The following DCC variants were observed in gnomAD, a reference collection of about 807,000 sequenced individuals.
DCC encodes DCC netrin 1 receptor, also known as netrin receptor DCC.
DCC carries 58 observed loss-of-function variants against 172.5 expected under a neutral mutation model. That is an observed-to-expected ratio of 0.34 (90% CI 0.27 to 0.42). The LOEUF (loss-of-function observed/expected upper bound fraction) is 0.42, where lower values mean the gene tolerates loss of function less well. Ranked by LOEUF, DCC falls within the 10% of genes least tolerant of loss-of-function variation. The pLI is 1.00. For missense variants in DCC, 1,740 were observed against 1,791.0 expected (o/e 0.97, Z 0.51); for synonymous variants, 709 against 644.5 (o/e 1.10, Z -1.52).
chr18:53,488,538 T>C (rs750574388), intron 26 of DCC, among the ~76,000 whole-genome samples: 1 of 152,200 alleles, frequency 6.6e-6, no homozygotes, highest in Non-Finnish European at 1.5e-5. Flanking sequence ...TAGTTTTCTT[T>C]TGAAAATTTA....
intron 1 of DCC, among the ~76,000 whole-genome samples, chr18:52,696,652 A>G (rs2145024276): frequency 6.6e-6 from 1 of 152,334 alleles, no homozygotes; most frequent in African/African-American, 2.4e-5. Flanking sequence ...ATGTTCTAAG[A>G]GGGTGAAGTA....
At chr18:52,726,765 C>T (rs920192899) in intron 1 of DCC, among the ~76,000 whole-genome samples, 1 of 152,174 alleles carries the variant, frequency 6.6e-6, no homozygotes, top group Non-Finnish European at 1.5e-5. Context: ...TGTGGTCTCT[C>T]TGACCCAAAA....
intron 12 of DCC, among the ~76,000 whole-genome samples, chr18:53,265,590 G>A (rs1431197): frequency 0.48 from 72,900 of 152,028 alleles, 18,023 homozygotes; most frequent in Non-Finnish European, 0.52. Flanking sequence ...AGTTTGACCT[G>A]TTTCCTTGAC....
chr18:52,549,875 CA>C (rs773414224), intron 1 of DCC, among the ~76,000 whole-genome samples: 33 of 151,258 alleles, frequency 2.2e-4, no homozygotes, highest in Non-Finnish European at 3.1e-4. Flanking sequence ...ACATGTTATG[CA>C]GAAGAATTTT....
chr18:53,495,543 C>G (rs1022786706), intron 26 of DCC, among the ~76,000 whole-genome samples: 41 of 152,208 alleles, frequency 2.7e-4, no homozygotes, highest in African/African-American at 8.4e-4. Context: ...TCTGGCTGCC[C>G]TTAACATTTT....
At chr18:52,764,921 G>C (rs567812809) in intron 2 of DCC, among the ~76,000 whole-genome samples, 18 of 152,226 alleles carry the variant, frequency 1.2e-4, no homozygotes, top group Non-Finnish European at 2.2e-4. Context: ...AGACCCCATA[G>C]AGTCACATCA....
chr18:53,332,009 T>G lies in DCC; in HGVS notation c.2165-7704T>G, dbSNP rs190430309. 5.3e-5 allele frequency among the ~76,000 whole-genome samples: 8 copies of G among 152,320 alleles called. No homozygotes were observed. The East Asian group carries it at 1.3e-3, about 26-fold the overall frequency. ...AGAGGATGTGGATTCTGGTGAATTA[T>G]TTTAGCATCTACGTTTCTTTTCACT... On this transcript the variant is annotated intron_variant, in intron 14 of 28. Transcript: ENST00000442544.
At chr18:53,176,671 A>G (rs1196274363) in intron 8 of DCC, among the ~76,000 whole-genome samples, 4 of 152,214 alleles carry the variant, frequency 2.6e-5, no homozygotes, top group African/African-American at 7.2e-5. Context: ...CTAAAAAGTC[A>G]GGAAACAACA....
intron 2 of DCC, among the ~76,000 whole-genome samples, chr18:52,802,643 CTTTTTTTTTTTTTTTTTTTTTTTTT>C (rs776080029): frequency 5.2e-5 from 2 of 38,156 alleles, no homozygotes; most frequent in African/African-American, 9.2e-5. Context: ...CACGCCAAGC[CTTTTTTTTTTTTTTTTTTTTTTTTT>C]TTTTTTTTTT....
chr18:52,437,494 C>A (rs1343622447), intron 1 of DCC, among the ~76,000 whole-genome samples: 1 of 152,104 alleles, frequency 6.6e-6, no homozygotes, highest in Admixed American at 6.5e-5. Flanking sequence ...GAGGGGCAAC[C>A]TCAAAAGAGA....
At chr18:53,375,188 C>G (rs2058097617) in intron 15 of DCC, among the ~76,000 whole-genome samples, 1 of 152,184 alleles carries the variant, frequency 6.6e-6, no homozygotes, top group Admixed American at 6.5e-5. Context: ...AACAGGGACT[C>G]AGGTTCATAT....
intron 12 of DCC, among the ~76,000 whole-genome samples, chr18:53,241,957 GT>G (rs1171411062): frequency 6.6e-6 from 1 of 152,150 alleles, no homozygotes; most frequent in Non-Finnish European, 1.5e-5. Flanking sequence ...AATTGTCCCT[GT>G]TTGCAGATGA....
intron 1 of DCC, among the ~76,000 whole-genome samples, chr18:52,493,992 T>C (rs1403992918): frequency 6.6e-6 from 1 of 152,116 alleles, no homozygotes; most frequent in Non-Finnish European, 1.5e-5. Context: ...AAAGAACTGT[T>C]TTTAGAATTT....
intron 7 of DCC, among the ~76,000 whole-genome samples, chr18:53,102,510 T>C (rs1030662861): frequency 3.9e-5 from 6 of 152,116 alleles, no homozygotes; most frequent in Non-Finnish European, 8.8e-5. Context: ...AATTTTTTGA[T>C]GTATATGTAT....
At chr18:53,202,473 TAA>T (rs1005218997) in intron 9 of DCC, among the ~76,000 whole-genome samples, 56 of 152,142 alleles carry the variant, frequency 3.7e-4, no homozygotes, top group African/African-American at 1.3e-3. Flanking sequence ...TGTCAACAAG[TAA>T]ATGTAGAGAA....
At chr18:53,410,951 A>G (rs1422956081) in intron 20 of DCC, among the ~76,000 whole-genome samples, 1 of 152,136 alleles carries the variant, frequency 6.6e-6, no homozygotes, top group African/African-American at 2.4e-5. Flanking sequence ...CATTTTATGT[A>G]AGGGGATAAA....
intron 21 of DCC, among the ~76,000 whole-genome samples, chr18:53,426,159 T>C (rs1423297429): frequency 2.7e-5 from 4 of 150,866 alleles, no homozygotes; most frequent in African/African-American, 9.7e-5. Context: ...TTGTGAGACA[T>C]CAAGAATGTG....
intron 14 of DCC, among the ~76,000 whole-genome samples, chr18:53,330,813 C>G (rs1029496133): frequency 6.6e-6 from 1 of 152,214 alleles, no homozygotes; most frequent in Non-Finnish European, 1.5e-5. Context: ...AGGAAGCTTT[C>G]TCTTATCTGA....
chr18:52,520,480 A>G (rs2031777572), intron 1 of DCC, among the ~76,000 whole-genome samples: 1 of 152,156 alleles, frequency 6.6e-6, no homozygotes, highest in Non-Finnish European at 1.5e-5. Flanking sequence ...ATCATTAAAT[A>G]GAGTAATATT....
Sources: gnomAD v4.1 joint callset for allele counts (sites outside exome capture counted in the v4.1 genomes callset) on GRCh38, gnomAD v4.1.1 for gene constraint, MANE v1.5 for transcripts, NCBI Gene and HGNC (gene_info 2026-07-23, HGNC 2026-07-21) for gene names.